Variants in CNDP1 observed in about 807,000 individuals in gnomAD.
The protein encoded by CNDP1 is beta-Ala-His dipeptidase.
Under a neutral mutation model 58.1 loss-of-function variants are expected in CNDP1, and 44 were observed. The observed-to-expected ratio is 0.76, with a 90% CI of 0.60 to 0.97. The LOEUF is 0.97. Among genes scored for constraint, CNDP1 ranks in the 50% least tolerant of loss-of-function variants. CNDP1 has a pLI of 0.00. For synonymous variants in CNDP1, 254 were observed against 252.6 expected (o/e 1.01, Z -0.05); for missense variants, 616 against 655.1 (o/e 0.94, Z 0.65).
rs1008045077 is a variant in CNDP1, at chr18:74,580,027, G to A, written c.1168-103G>A. The A allele has an allele frequency of 4.0e-6, 4 of 991,738 alleles. No individual in the cohort carries two copies. The East Asian group carries it at 1.0e-4, about 26-fold the overall frequency. 61.4% of individuals were successfully genotyped at this position (991,738 alleles called of 1,614,324 possible). ...GGGCTTCAGTTTCTTGATGGAAGAG[G>A]CTATATTAACTGTACTAATCAGTTT... On this transcript the variant is annotated intron_variant, in intron 9 of 11. Transcript: ENST00000358821.
chr18:74,583,037 C>T (rs561045408), intron 10 of CNDP1, among the ~76,000 whole-genome samples: 4 of 152,156 alleles, frequency 2.6e-5, no homozygotes, highest in Non-Finnish European at 4.4e-5. Context: ...GACAGAGTCT[C>T]GCTCTGTCAC....
intron 10 of CNDP1, 48 bp downstream of exon 10, chr18:74,580,319 G>C (rs764398685): frequency 6.3e-7 from 1 of 1,598,766 alleles, no homozygotes; most frequent in Non-Finnish European, 8.6e-7. Flanking sequence ...TGGGACTCAG[G>C]GGTGGTACCC....
chr18:74,549,343 G>A (rs1980840295), intron 1 of CNDP1, among the ~76,000 whole-genome samples: 2 of 152,204 alleles, frequency 1.3e-5, no homozygotes. Flanking sequence ...TTCATTTAAT[G>A]AATCTGAAAT....
intron 1 of CNDP1, among the ~76,000 whole-genome samples, chr18:74,540,966 G>A (rs1008167025): frequency 6.6e-6 from 1 of 152,204 alleles, no homozygotes; most frequent in African/African-American, 2.4e-5. Context: ...AAGTGATGCC[G>A]ATTTTCTTGT....
rs1462101693 is a variant in CNDP1, at chr18:74,561,152, C to T, written c.466+134C>T. On this transcript the variant is annotated intron_variant, in intron 4 of 11. Transcript: ENST00000358821. ...TGCATAGGCCGGGTGCGGTGGCTCA[C>T]GCTTGTAATCCCAGCACTTTGGGAA... The T allele has an allele frequency of 1.2e-5, 13 of 1,089,696 alleles. No homozygotes were observed. The East Asian group carries it at 3.1e-4, about 26-fold the overall frequency. The allele number at this position is 1,089,696 out of a possible 1,614,324, so 67.5% of individuals were successfully genotyped here. A position where few individuals can be genotyped will look rare whatever the true frequency, so the allele number is the denominator to read the frequency against.
intron 1 of CNDP1, among the ~76,000 whole-genome samples, chr18:74,546,111 C>T (rs1980751650): frequency 6.6e-6 from 1 of 152,174 alleles, no homozygotes. Flanking sequence ...ATTTCATTCA[C>T]TCTTTTTGGT....
intron 1 of CNDP1, among the ~76,000 whole-genome samples, chr18:74,539,491 G>A (rs555610637): frequency 6.6e-6 from 1 of 152,326 alleles, no homozygotes; most frequent in African/African-American, 2.4e-5. Flanking sequence ...TGCGCATGAG[G>A]CATTCGGATC....
chr18:74,554,110 A>G lies in CNDP1; in HGVS notation c.25-2228A>G, dbSNP rs149179806. Among the ~76,000 whole-genome samples the G allele has an allele frequency of 8.6e-3, 1,312 of 152,218 alleles. 15 individuals carry two copies. Among genetic ancestry groups the G allele is most frequent in the African/African-American group, 0.027 (1,123 of 41,530 alleles). Reference sequence around the variant, plus strand: ...GAACTTGGTGTTGGCCCTCCTGACTATTAGGCCTGTGGTCTCCCCGTGATG... The same window carrying G: ...GAACTTGGTGTTGGCCCTCCTGACTGTTAGGCCTGTGGTCTCCCCGTGATG... On this transcript the variant is annotated intron_variant, in intron 1 of 11. Coordinates refer to ENST00000358821, the MANE Select transcript of CNDP1 (RefSeq NM_032649.6).
chr18:74,538,865 G>A (rs1048289614), intron 1 of CNDP1, among the ~76,000 whole-genome samples: 1 of 152,084 alleles, frequency 6.6e-6, no homozygotes, highest in Non-Finnish European at 1.5e-5. Flanking sequence ...CCCCGTCAAG[G>A]GATTCTGACA....
At chr18:74,560,701 GAAAA>G (rs796679431) in intron 3 of CNDP1, among the ~76,000 whole-genome samples, 151 bp from the exon 4 acceptor site, 6 of 150,328 alleles carry the variant, frequency 4.0e-5, no homozygotes, top group African/African-American at 1.5e-4. Flanking sequence ...AAAGAAAAAA[GAAAA>G]AAAAAGTGTT....
rs1338948286 is a variant in CNDP1 at position 74,543,376 on chromosome 18, C to T, written c.24+8685C>T. Among the ~76,000 whole-genome samples, 6 of 151,960 alleles carry T rather than the reference C, an allele frequency of 3.9e-5. No homozygotes were observed. In the South Asian group the frequency reaches 1.0e-3, roughly 26 times the overall value. ...GATGTGGTGGCATGCACCTGTAGTC[C>T]CAGCTACTTAAGAGGCTGAGGTGGG... On this transcript the variant is annotated intron_variant, in intron 1 of 11. Coordinates refer to ENST00000358821, the MANE Select transcript of CNDP1 (RefSeq NM_032649.6).
chr18:74,560,746 T>G, intron 3 of CNDP1, 110 bp from the exon 4 acceptor site: 2 of 998,136 alleles, frequency 2.0e-6, no homozygotes, highest in Admixed American at 4.0e-5. Flanking sequence ...ATGGAGAAAC[T>G]GATGCTCAGT....
chr18:74,553,917 G>T (rs1424282597), intron 1 of CNDP1, among the ~76,000 whole-genome samples: 5 of 152,172 alleles, frequency 3.3e-5, no homozygotes, highest in African/African-American at 1.2e-4. Flanking sequence ...ACATCTTACT[G>T]CTTTCCTGAC....
Position 74,577,344 on chromosome 18 carries a change from C to T in CNDP1, c.1002+315C>T, listed in dbSNP as rs1981660492. ...AGCCTTCAGCCAGTGAGCTGGACTTCTTACCTTTTCAAAGACCAAGAAAAG... is the reference window on the plus strand; with the variant it reads ...AGCCTTCAGCCAGTGAGCTGGACTTTTTACCTTTTCAAAGACCAAGAAAAG... On this transcript the variant is annotated intron_variant, in intron 8 of 11. Coordinates refer to ENST00000358821, the MANE Select transcript of CNDP1 (RefSeq NM_032649.6). 2.0e-5 allele frequency: 4 copies of T among 195,408 alleles called. No individual in the cohort carries two copies. In the East Asian group the frequency reaches 4.7e-4, roughly 23 times the overall value. 12.1% of individuals were successfully genotyped at this position (195,408 alleles called of 1,614,324 possible).
At chr18:74,550,741 TA>T (rs1343645857) in intron 1 of CNDP1, among the ~76,000 whole-genome samples, 1 of 105,400 alleles carries the variant, frequency 9.5e-6, no homozygotes, top group Non-Finnish European at 2.0e-5. Context: ...CACGCCCGAC[TA>T]TTTTTTTTTT....
Position 74,580,414 on chromosome 18 carries a change from A to G in CNDP1, c.1309+143A>G, listed in dbSNP as rs112674185. ...CAGAGCACATTGTTGAATGCATGCC[A>G]TGTGCAGGGCACGCTATACACGCCA... On this transcript the variant is annotated intron_variant, in intron 10 of 11. Transcript: ENST00000358821. The G allele has an allele frequency of 1.6e-3, 1,254 of 793,362 alleles. 13 individuals carry two copies. The African/African-American group carries it at 0.019, about 12-fold the overall frequency. 49.1% of individuals were successfully genotyped at this position (793,362 alleles called of 1,614,324 possible).
chr18:74,550,048 C>G (rs184653012), intron 1 of CNDP1, among the ~76,000 whole-genome samples: 1 of 152,338 alleles, frequency 6.6e-6, no homozygotes, highest in Admixed American at 6.5e-5. Flanking sequence ...GGGTGGAGCC[C>G]TCACAGAGAG....
chr18:74,579,193 C>CCCTTG (rs748037952), intron 9 of CNDP1, among the ~76,000 whole-genome samples: 4,281 of 77,762 alleles, frequency 0.055, 86 homozygotes, highest in Middle Eastern at 0.12. Context: ...CCCTTTCCTT[C>CCCTTG]CCTTCCCTTG....
chr18:74,566,656 T>C (rs1981335162), intron 5 of CNDP1, among the ~76,000 whole-genome samples: 1 of 152,246 alleles, frequency 6.6e-6, no homozygotes, highest in Non-Finnish European at 1.5e-5. Context: ...TGGATTTTAT[T>C]GTCCATATTG....
Sources: gnomAD v4.1 joint callset for allele counts (sites outside exome capture counted in the v4.1 genomes callset) on GRCh38, gnomAD v4.1.1 for gene constraint, MANE v1.5 for transcripts, NCBI Gene and HGNC (gene_info 2026-07-23, HGNC 2026-07-21) for gene names.